The following CBFA2T3 variants were observed in gnomAD, a reference collection of about 807,000 sequenced individuals.
The protein encoded by CBFA2T3 is CBFA2/RUNX1 partner transcriptional co-repressor 3.
A neutral mutation model predicts 58.6 loss-of-function variants in CBFA2T3; 31 were observed. The ratio of observed to expected loss-of-function variants is 0.53; its 90% CI spans 0.40 to 0.71. CBFA2T3 has a LOEUF of 0.71. CBFA2T3 is among the 30% of genes least tolerant of loss of function. The pLI is 0.00. For missense variants in CBFA2T3, 1,076 were observed against 963.1 expected (o/e 1.12, Z -1.55); for synonymous variants, 531 against 421.9 (o/e 1.26, Z -3.17).
chr16:88,967,790 A>G (rs1024906849), intron 1 of CBFA2T3, among the ~76,000 whole-genome samples: 5 of 152,162 alleles, frequency 3.3e-5, no homozygotes, highest in Non-Finnish European at 7.4e-5. Context: ...CAGCCCTCAC[A>G]CTGCCCCTTC....
At chr16:88,976,556 A>G in intron 1 of CBFA2T3, 101 bp downstream of exon 1, 1 of 893,940 alleles carries the variant, frequency 1.1e-6, no homozygotes, top group Non-Finnish European at 1.7e-6. Context: ...GGCACTGTCA[A>G]CTAAGCTGGG....
chr16:88,917,790 C>T (rs192454814), intron 1 of CBFA2T3, among the ~76,000 whole-genome samples: 1 of 152,272 alleles, frequency 6.6e-6, no homozygotes, highest in East Asian at 1.9e-4. Flanking sequence ...GATGTGCGCA[C>T]GTATGACACA....
intron 1 of CBFA2T3, chr16:88,950,315 G>A (rs1341213995): frequency 4.9e-6 from 2 of 407,164 alleles, no homozygotes; most frequent in African/African-American, 4.6e-5. Flanking sequence ...GTTGGCACCT[G>A]TCTTCCGGGT....
chr16:88,951,735 T>C (rs551134214), intron 1 of CBFA2T3, among the ~76,000 whole-genome samples: 1 of 152,116 alleles, frequency 6.6e-6, no homozygotes, highest in Non-Finnish European at 1.5e-5. Flanking sequence ...TCACAATCCT[T>C]CCCTGGGAGT....
chr16:88,894,344 GCA>G (rs201181284), intron 3 of CBFA2T3, among the ~76,000 whole-genome samples: 2 of 78,770 alleles, frequency 2.5e-5, no homozygotes, highest in South Asian at 9.5e-4. Context: ...ACGCACACAT[GCA>G]CACACACATG....
intron 1 of CBFA2T3, among the ~76,000 whole-genome samples, chr16:88,920,923 A>T (rs1970893054): frequency 6.6e-6 from 1 of 152,260 alleles, no homozygotes; most frequent in South Asian, 2.1e-4. Flanking sequence ...CTGGGGAGGC[A>T]TCTTGGAGAG....
chr16:88,967,428 T>G (rs1972542165), intron 1 of CBFA2T3, among the ~76,000 whole-genome samples: 1 of 151,824 alleles, frequency 6.6e-6, no homozygotes, highest in Non-Finnish European at 1.5e-5. Context: ...CTGCCATGCG[T>G]CCACCTGTTC....
At position 88,892,378 on chromosome 16, in the gene CBFA2T3, G is replaced by C. The variant is rs774202844; in HGVS notation, c.487C>G (p.Gln163Glu). The C allele has an allele frequency of 1.9e-6, 3 of 1,613,466 alleles. No homozygotes were observed. The highest frequency in any genetic ancestry group is 2.5e-6 in the Non-Finnish European group (3 of 1,180,018). The part of the protein sequence containing the change: ...ATSSTASLST[Q>E]HLPPACGARQ... ...GCCCCGCAGGCTGGGGGCAGGTGCTGTGTGGACAAGGAGGCTGTGGACGAG... is the reference window on the plus strand; with the variant it reads ...GCCCCGCAGGCTGGGGGCAGGTGCTCTGTGGACAAGGAGGCTGTGGACGAG... The change falls in exon 4 of 12, where the codon CAG becomes GAG. Residue 163 changes from glutamine to glutamate, a missense_variant. By Grantham distance (29) the Gln-to-Glu change is conservative (BLOSUM62 2). Coordinates refer to ENST00000268679, the MANE Select transcript of CBFA2T3 (RefSeq NM_005187.6).
chr16:88,895,333 C>T (rs998266964), intron 3 of CBFA2T3, among the ~76,000 whole-genome samples: 1 of 152,204 alleles, frequency 6.6e-6, no homozygotes, highest in Non-Finnish European at 1.5e-5. Context: ...CTGAGGCTCC[C>T]ACCTTCCCGA....
At chr16:88,962,334 C>G (rs1273248343) in intron 1 of CBFA2T3, among the ~76,000 whole-genome samples, 1 of 152,256 alleles carries the variant, frequency 6.6e-6, no homozygotes, top group African/African-American at 2.4e-5. Context: ...ACAAAAGCAT[C>G]AATTGCCAAT....
At chr16:88,962,312 T>A (rs1972385377) in intron 1 of CBFA2T3, among the ~76,000 whole-genome samples, 1 of 152,276 alleles carries the variant, frequency 6.6e-6, no homozygotes, top group Non-Finnish European at 1.5e-5. Context: ...ATACTCGTAC[T>A]TTTTTACTTT....
At chr16:88,928,277 G>A (rs1051219512) in intron 1 of CBFA2T3, among the ~76,000 whole-genome samples, 3 of 152,218 alleles carry the variant, frequency 2.0e-5, no homozygotes, top group Non-Finnish European at 2.9e-5. Flanking sequence ...TGTTGGGGGC[G>A]TTTCTGGGAT....
Position 88,946,801 on chromosome 16 carries a change from T to A in CBFA2T3, c.151+29856A>T, listed in dbSNP as rs190484443. Among the ~76,000 whole-genome samples, 557 of 152,228 alleles carry A rather than the reference T, an allele frequency of 3.7e-3. 2 individuals are homozygous for A. Among genetic ancestry groups the A allele is most frequent in the African/African-American group, 0.013 (531 of 41,530 alleles). ...TGGCTGAGTTTTTTTGTTTGTTTATTTTTAGACAGGGTCTCACTCTGTCTC... is the reference window on the plus strand; with the variant it reads ...TGGCTGAGTTTTTTTGTTTGTTTATATTTAGACAGGGTCTCACTCTGTCTC... On this transcript the variant is annotated intron_variant, in intron 1 of 11. Transcript: ENST00000268679.
chr16:88,922,618 C>T (rs1364868627), intron 1 of CBFA2T3, among the ~76,000 whole-genome samples: 4 of 152,222 alleles, frequency 2.6e-5, no homozygotes, highest in East Asian at 1.9e-4. Context: ...TTCCCGAGGG[C>T]GGGGTCAAGA....
chr16:88,893,617 G>A (rs971685150), intron 3 of CBFA2T3, among the ~76,000 whole-genome samples: 1 of 152,226 alleles, frequency 6.6e-6, no homozygotes, highest in Non-Finnish European at 1.5e-5. Flanking sequence ...GCATGTTGAG[G>A]ACAAGCAGGT....
At chr16:88,915,166 C>T (rs1406345836) in intron 1 of CBFA2T3, among the ~76,000 whole-genome samples, 2 of 129,126 alleles carry the variant, frequency 1.5e-5, no homozygotes, top group East Asian at 5.5e-4. Context: ...GTTGAGGATC[C>T]GTGTGCTGGG....
chr16:88,924,620 G>A (rs1372529699), intron 1 of CBFA2T3, among the ~76,000 whole-genome samples: 1 of 152,238 alleles, frequency 6.6e-6, no homozygotes, highest in African/African-American at 2.4e-5. Flanking sequence ...CTGCAAGGCA[G>A]CACAGGACAA....
At position 88,921,336 on chromosome 16, in the gene CBFA2T3, C is replaced by T. The variant is rs368238414; in HGVS notation, c.152-19680G>A. On this transcript the variant is annotated intron_variant, in intron 1 of 11. Coordinates refer to ENST00000268679, the MANE Select transcript of CBFA2T3 (RefSeq NM_005187.6). ...ACACGCAGGCAGCAGAAAGGATGGG[C>T]GGGGGGAGCAGGGAAGCCGAGCCGA... Among the ~76,000 whole-genome samples, 801 of 152,304 alleles carry T rather than the reference C, an allele frequency of 5.3e-3. 11 individuals carry two copies. Among genetic ancestry groups the T allele is most frequent in the African/African-American group, 0.018 (747 of 41,578 alleles).
At chr16:88,935,814 G>A (rs1430387599) in intron 1 of CBFA2T3, among the ~76,000 whole-genome samples, 2 of 152,230 alleles carry the variant, frequency 1.3e-5, no homozygotes, top group African/African-American at 4.8e-5. Context: ...TCCCAGTCCA[G>A]ACACACACAT....
Sources: allele counts gnomAD v4.1 joint callset (sites outside exome capture counted in the v4.1 genomes callset), GRCh38; gene constraint gnomAD v4.1.1; transcripts MANE v1.5; gene names NCBI Gene and HGNC (gene_info 2026-07-23, HGNC 2026-07-21).